RANBP2: variants seen among roughly 807,000 people sequenced by gnomAD.
The protein encoded by RANBP2 is E3 SUMO-protein ligase RanBP2.
Under a neutral mutation model 303.6 loss-of-function variants are expected in RANBP2, and 57 were observed. That is an observed-to-expected ratio of 0.19 (90% confidence interval 0.15 to 0.23). The LOEUF (loss-of-function observed/expected upper bound fraction) is 0.23. Among genes scored for constraint, RANBP2 ranks in the 10% least tolerant of loss-of-function variants. The pLI, the probability that RANBP2 is intolerant of heterozygous loss-of-function variation, is 1.00. For missense variants in RANBP2, 3,138 were observed against 3,780.8 expected (o/e 0.83, Z 4.46); for synonymous variants, 1,167 against 1,301.5 (o/e 0.90, Z 2.23).
the RANBP2 span, among the ~76,000 whole-genome samples, chr2:109,611,602 T>C: frequency 1.3e-5 from 2 of 151,056 alleles, no homozygotes; most frequent in Admixed American, 6.6e-5. Flanking sequence ...CTACAAAAAA[T>C]ACAAAAATTT....
the RANBP2 span, among the ~76,000 whole-genome samples, chr2:109,386,390 G>C: frequency 6.6e-6 from 1 of 152,144 alleles, no homozygotes; most frequent in South Asian, 2.1e-4. Flanking sequence ...AACACCAGGG[G>C]GCCGCTATGA....
chr2:109,433,012 G>A, the RANBP2 span, among the ~76,000 whole-genome samples: 34 of 152,390 alleles, frequency 2.2e-4, no homozygotes, highest in African/African-American at 7.5e-4. Flanking sequence ...AGTGTGTTCA[G>A]CGTGTATGCT....
chr2:109,122,790 G>C, the RANBP2 span, among the ~76,000 whole-genome samples: 1 of 152,180 alleles, frequency 6.6e-6, no homozygotes, highest in African/African-American at 2.4e-5. Flanking sequence ...AGGATCCCTT[G>C]AGCCCAGGAG....
At chr2:109,497,570 G>A in the RANBP2 span, among the ~76,000 whole-genome samples, 26,253 of 152,192 alleles carry the variant, frequency 0.17, 2,321 homozygotes, top group Middle Eastern at 0.25. Context: ...ACGCACAGTT[G>A]TGACCTGGGA....
At chr2:109,006,429 C>T in the RANBP2 span, among the ~76,000 whole-genome samples, 1 of 152,086 alleles carries the variant, frequency 6.6e-6, no homozygotes, top group African/African-American at 2.4e-5. Flanking sequence ...CTCCTGACCT[C>T]ATGATCCGCC....
At chr2:109,332,110 C>CA in the RANBP2 span, among the ~76,000 whole-genome samples, 1 of 152,162 alleles carries the variant, frequency 6.6e-6, no homozygotes, top group African/African-American at 2.4e-5. Context: ...TTAGCATAGA[C>CA]ATTGGCCAAG....
the RANBP2 span, among the ~76,000 whole-genome samples, chr2:109,012,026 T>A: frequency 6.6e-6 from 1 of 152,206 alleles, no homozygotes; most frequent in Non-Finnish European, 1.5e-5. Flanking sequence ...GTTTTTCGAT[T>A]CGTCTGTTTT....
At chr2:109,473,119 G>A in the RANBP2 span, among the ~76,000 whole-genome samples, 104 of 152,332 alleles carry the variant, frequency 6.8e-4, no homozygotes, top group African/African-American at 2.4e-3. Context: ...GCATTTAATC[G>A]CCCCTCATTT....
At chr2:109,456,193 T>C in the RANBP2 span, among the ~76,000 whole-genome samples, 1 of 152,190 alleles carries the variant, frequency 6.6e-6, no homozygotes, top group Non-Finnish European at 1.5e-5. Flanking sequence ...CACTTGTGCC[T>C]GGCAGCTCTG....
chr2:109,621,995 A>G, the RANBP2 span, among the ~76,000 whole-genome samples: 1 of 152,122 alleles, frequency 6.6e-6, no homozygotes, highest in African/African-American at 2.4e-5. Flanking sequence ...GCAAAGAATC[A>G]CCTTTGGCTT....
chr2:109,475,108 G>A, the RANBP2 span, among the ~76,000 whole-genome samples: 1 of 152,146 alleles, frequency 6.6e-6, no homozygotes, highest in Non-Finnish European at 1.5e-5. Flanking sequence ...CTCTTGAGTG[G>A]CTGGGACTAC....
At chr2:108,798,679 C>T in the RANBP2 span, 1 of 916,446 alleles carries the variant, frequency 1.1e-6, no homozygotes, top group Non-Finnish European at 1.7e-6. Flanking sequence ...TTGCTTATTT[C>T]TCCTTCCCTT....
chr2:109,103,804 T>C, the RANBP2 span, among the ~76,000 whole-genome samples: 1 of 151,834 alleles, frequency 6.6e-6, no homozygotes, highest in Non-Finnish European at 1.5e-5. Context: ...TTTTCTTTTT[T>C]TTTTTTTGAG....
At chr2:109,518,599 T>C in the RANBP2 span, among the ~76,000 whole-genome samples, 1 of 152,222 alleles carries the variant, frequency 6.6e-6, no homozygotes, top group South Asian at 2.1e-4. Flanking sequence ...CAGCACTAAA[T>C]TGTAAGTAAA....
the RANBP2 span, among the ~76,000 whole-genome samples, chr2:109,105,071 G>A: frequency 6.6e-6 from 1 of 152,194 alleles, no homozygotes; most frequent in Non-Finnish European, 1.5e-5. Context: ...TGGTCAGGTA[G>A]TTGTTAAACT....
At chr2:109,243,064 G>A in the RANBP2 span, among the ~76,000 whole-genome samples, 2 of 152,220 alleles carry the variant, frequency 1.3e-5, no homozygotes, top group Non-Finnish European at 2.9e-5. Flanking sequence ...CAATGAAATC[G>A]GCTGTTCATA....
the RANBP2 span, among the ~76,000 whole-genome samples, chr2:109,696,820 C>G: frequency 2.0e-5 from 3 of 152,104 alleles, no homozygotes; most frequent in Non-Finnish European, 2.9e-5. Flanking sequence ...CTCTGTCACT[C>G]AGGCTGGAGT....
At chr2:109,199,058 CT>C in the RANBP2 span, among the ~76,000 whole-genome samples, 5 of 152,066 alleles carry the variant, frequency 3.3e-5, no homozygotes, top group African/African-American at 1.2e-4. Flanking sequence ...CACAGTTCCA[CT>C]TAAAAAATGG....
chr2:108,867,946 C>A, the RANBP2 span, among the ~76,000 whole-genome samples: 1 of 152,156 alleles, frequency 6.6e-6, no homozygotes, highest in Non-Finnish European at 1.5e-5. Flanking sequence ...ATTCTGATTA[C>A]CCTTGCCTTA....
Sources: allele counts gnomAD v4.1 joint callset (sites outside exome capture counted in the v4.1 genomes callset), GRCh38; gene constraint gnomAD v4.1.1; transcripts MANE v1.5; gene names NCBI Gene and HGNC (gene_info 2026-07-23, HGNC 2026-07-21).